The following CRYBG3 variants were observed in gnomAD, a reference collection of about 807,000 sequenced individuals.
CRYBG3 encodes the protein very large A-kinase anchor protein.
CRYBG3 carries 127 observed loss-of-function variants against 244.2 expected under a neutral mutation model. That is an observed-to-expected ratio of 0.52 (90% CI 0.45 to 0.60). The LOEUF is 0.60. CRYBG3 is among the 20% of genes least tolerant of loss of function. The pLI is 0.00. For missense variants in CRYBG3, 3,325 were observed against 3,442.5 expected (o/e 0.97, Z 0.85); for synonymous variants, 1,132 against 1,195.8 (o/e 0.95, Z 1.10).
intron 7 of CRYBG3, among the ~76,000 whole-genome samples, chr3:97,885,975 A>T (rs566256681): frequency 5.2e-4 from 79 of 152,290 alleles, no homozygotes; most frequent in Admixed American, 3.2e-3. Flanking sequence ...AGAGATATGC[A>T]TGAGGGAAAT....
At chr3:97,899,087 T>C (rs769604703) in intron 13 of CRYBG3, 50 bp from the exon 14 acceptor site, 9 of 1,600,582 alleles carry the variant, frequency 5.6e-6, no homozygotes, top group South Asian at 2.3e-5. Flanking sequence ...GTTTGCTCAA[T>C]TGTATATCAC....
chr3:97,862,080 G>C (rs2039158144), intron 2 of CRYBG3, among the ~76,000 whole-genome samples: 1 of 112,066 alleles, frequency 8.9e-6, no homozygotes, highest in Non-Finnish European at 2.0e-5. Context: ...TTAAGGGGAA[G>C]GAGAAACAAG....
chr3:97,915,479 T>C, intron 16 of CRYBG3, 131 bp from the exon 17 acceptor site: 1 of 853,394 alleles, frequency 1.2e-6, no homozygotes. Flanking sequence ...TTTGTTTTTT[T>C]AAAGCTGGTG....
chr3:97,898,112 C>T (rs756219914), intron 12 of CRYBG3, among the ~76,000 whole-genome samples: 4 of 150,528 alleles, frequency 2.7e-5, no homozygotes, highest in South Asian at 2.1e-4. Flanking sequence ...CCCAACTACT[C>T]GGGAGGCTGA....
intron 3 of CRYBG3, among the ~76,000 whole-genome samples, chr3:97,867,614 C>A (rs1426683395): frequency 1.3e-5 from 2 of 152,054 alleles, no homozygotes; most frequent in African/African-American, 4.8e-5. Context: ...AATATGTATG[C>A]CTACTTCCTT....
At chr3:97,854,177 A>G (rs1034993490) in intron 2 of CRYBG3, among the ~76,000 whole-genome samples, 4 of 152,120 alleles carry the variant, frequency 2.6e-5, no homozygotes, top group African/African-American at 4.8e-5. Flanking sequence ...CCTTTGGTCA[A>G]CATGCCTATC....
At chr3:97,890,217 G>A (rs2039559970) in intron 10 of CRYBG3, among the ~76,000 whole-genome samples, 1 of 152,156 alleles carries the variant, frequency 6.6e-6, no homozygotes, top group Admixed American at 6.6e-5. Context: ...ATACATGTTG[G>A]AGTTTTTAAA....
At chr3:97,924,589 G>C (rs1402369998) in intron 17 of CRYBG3, among the ~76,000 whole-genome samples, 1 of 152,024 alleles carries the variant, frequency 6.6e-6, no homozygotes, top group African/African-American at 2.4e-5. Context: ...CTCTAGGGGA[G>C]AACCCATTTC....
At chr3:97,938,977 CAAAGT>C (rs990709164) in intron 19 of CRYBG3, among the ~76,000 whole-genome samples, 10 of 151,974 alleles carry the variant, frequency 6.6e-5, no homozygotes, top group Admixed American at 5.9e-4. Flanking sequence ...TCAGAAAAAG[CAAAGT>C]AGAGATAGGA....
At chr3:97,846,350 C>G (rs1179365829) in intron 2 of CRYBG3, among the ~76,000 whole-genome samples, 1 of 152,088 alleles carries the variant, frequency 6.6e-6, no homozygotes, top group Admixed American at 6.6e-5. Flanking sequence ...TTCAGTTCTC[C>G]TCAGTGTCAG....
chr3:97,876,997 C>T lies in CRYBG3; in HGVS notation c.5803C>T (p.Pro1935Ser). ...TACATATTTCAGGGGATATGAATCC[C>T]CTACATTAAGTAAGGATTATGAGGG... ...LPTYFRGYES[P>S]TLSKDYEGYP... The change falls in exon 4 of 22, where the codon CCT becomes TCT. Residue 1935 changes from proline (P) to serine (S), a missense_variant. By Grantham distance (74) the Pro-to-Ser change is moderately conservative (BLOSUM62 -1). Around this residue, in one of 4 missense-constraint regions of CRYBG3, gnomAD observed 450 missense variants for 424.1 expected, o/e 1.06. Transcript: ENST00000389622. The T allele has an allele frequency of 6.6e-7, 1 of 1,525,518 alleles. No individual in the cohort carries two copies. The highest frequency in any genetic ancestry group is 8.8e-7 in the Non-Finnish European group (1 of 1,139,936). The allele number at this position is 1,525,518 out of a possible 1,614,324, so 94.5% of individuals were successfully genotyped here.
intron 17 of CRYBG3, among the ~76,000 whole-genome samples, chr3:97,918,783 A>G (rs992941161): frequency 3.3e-5 from 5 of 152,170 alleles, no homozygotes; most frequent in African/African-American, 1.2e-4. Context: ...GACCAGGCTA[A>G]TGGGAGCACC....
chr3:97,897,221 A>G (rs973467130), intron 12 of CRYBG3, among the ~76,000 whole-genome samples: 1 of 152,042 alleles, frequency 6.6e-6, no homozygotes, highest in Non-Finnish European at 1.5e-5. Flanking sequence ...AAATTAATGG[A>G]TACATAAGAT....
At chr3:97,910,715 C>CT (rs954915490) in intron 15 of CRYBG3, among the ~76,000 whole-genome samples, 8 of 152,240 alleles carry the variant, frequency 5.3e-5, no homozygotes, top group South Asian at 2.1e-4. Flanking sequence ...TTCTGCGTCA[C>CT]TCACGCTGGG....
chr3:97,924,101 GGGACAGA>G, intron 17 of CRYBG3: 1 of 240,644 alleles, frequency 4.2e-6, no homozygotes, highest in Non-Finnish European at 8.1e-6. Flanking sequence ...AGAGACAAAT[GGGACAGA>G]GGAATAGGGT....
In CRYBG3 at chr3:97,872,670, T is replaced by C; in HGVS notation, c.1476T>C (p.Asn492=). 18 of 1,535,924 alleles carry C rather than the reference T, an allele frequency of 1.2e-5. No individual in the cohort carries two copies. Among genetic ancestry groups the C allele is most frequent in the Non-Finnish European group, 1.6e-5 (18 of 1,146,778 alleles). Residue 492 remains asparagine, a synonymous_variant, in exon 4 of 22, where the codon AAT becomes AAC. Transcript: ENST00000389622. The part of the protein sequence containing the change: ...SSSKQAATHT[N]IIALQRHAVT... ...CAAAGCAAGCTGCCACTCACACCAATATCATTGCTCTTCAGAGACATGCTG... is the reference window on the plus strand; with the variant it reads ...CAAAGCAAGCTGCCACTCACACCAACATCATTGCTCTTCAGAGACATGCTG...
At chr3:97,829,048 T>C (rs1238400598) in intron 1 of CRYBG3, among the ~76,000 whole-genome samples, 1 of 151,838 alleles carries the variant, frequency 6.6e-6, no homozygotes, top group Non-Finnish European at 1.5e-5. Context: ...CACTTAAAAA[T>C]TATGTGAATT....
rs2039596892 is a variant in CRYBG3 at position 97,892,888 on chromosome 3, A to G, written c.7469A>G (p.His2490Arg). The change falls in exon 11 of 22, where the codon CAT becomes CGT. Residue 2490 changes from histidine (H) to arginine (R), a missense_variant. By Grantham distance (29) the His-to-Arg change is conservative (BLOSUM62 0). Coordinates refer to ENST00000389622, the MANE Select transcript of CRYBG3 (RefSeq NM_153605.4). Reference sequence around the variant, plus strand: ...ATTATTTATGAAAAACCTCACTTCCATGGACAGGCTAAAGAGTTTAGTGAA... The same window carrying G: ...ATTATTTATGAAAAACCTCACTTCCGTGGACAGGCTAAAGAGTTTAGTGAA... ...KVIIYEKPHF[H>R]GQAKEFSEHI... 5 of 1,538,964 alleles carry G rather than the reference A, an allele frequency of 3.2e-6. No homozygotes were observed. The highest frequency in any genetic ancestry group is 1.8e-6 in the Non-Finnish European group (2 of 1,128,784).
chr3:97,886,293 C>T (rs1417734732), intron 7 of CRYBG3, among the ~76,000 whole-genome samples: 1 of 152,082 alleles, frequency 6.6e-6, no homozygotes. Context: ...GGAAGGCTTA[C>T]AGACATTTGG....
Sources: gnomAD v4.1 joint callset for allele counts (sites outside exome capture counted in the v4.1 genomes callset) on GRCh38, gnomAD v4.1.1 for gene constraint, gnomAD v4.1.1 regional missense constraint, MANE v1.5 for transcripts, NCBI Gene and HGNC (gene_info 2026-07-23, HGNC 2026-07-21) for gene names.